Variants in EPRS1 observed in about 807,000 individuals in gnomAD.
EPRS1 encodes glutamyl-prolyl-tRNA synthetase 1.
EPRS1 carries 107 observed loss-of-function variants against 188.3 expected under a neutral mutation model. The observed-to-expected ratio is 0.57, with a 90% CI of 0.49 to 0.67. The LOEUF (loss-of-function observed/expected upper bound fraction) is 0.67. EPRS1 is among the 30% of genes least tolerant of loss of function. The probability of loss-of-function intolerance (pLI) is 0.00; values close to 1 mark genes in which losing one functional copy is unlikely to be tolerated. For synonymous variants in EPRS1, 596 were observed against 593.1 expected (o/e 1.00, Z -0.07); for missense variants, 1,577 against 1,802.2 (o/e 0.88, Z 2.26).
intron 9 of EPRS1, 46 bp from the exon 10 acceptor site, chr1:220,020,267 C>A: frequency 8.3e-7 from 1 of 1,210,152 alleles, no homozygotes; most frequent in East Asian, 2.4e-5. Context: ...TACCCTTTCC[C>A]TCTTAGATTA....
rs12090804 is a variant in EPRS1 at position 219,973,510 on chromosome 1, G to A, written c.4084-112C>T. On this transcript the variant is annotated intron_variant, in intron 28 of 31. Transcript: ENST00000366923. ...ATTATAAAAAACCCAAAAAACAAAG[G>A]CAAAGCCAAAAAAAACAAGAGAAAA... The A allele has an allele frequency of 2.0e-3, 1,077 of 526,630 alleles. 13 individuals carry two copies. In the African/African-American group the frequency reaches 0.024, roughly 12 times the overall value. 32.6% of individuals were successfully genotyped at this position (526,630 alleles called of 1,614,324 possible).
chr1:220,007,997 C>G (rs1041214224), intron 13 of EPRS1, among the ~76,000 whole-genome samples: 1 of 151,722 alleles, frequency 6.6e-6, no homozygotes, highest in African/African-American at 2.4e-5. Context: ...GTCCCAGCTA[C>G]TTGGGAGGCT....
In EPRS1 at chr1:220,014,860, C is replaced by T. The variant is rs1015176846; in HGVS notation, c.1494+3589G>A. Among the ~76,000 whole-genome samples the T allele has an allele frequency of 5.9e-5, 9 of 152,076 alleles. 1 individual carries two copies. The highest frequency in any genetic ancestry group is 9.7e-5 in the African/African-American group (4 of 41,410). On this transcript the variant is annotated intron_variant, in intron 12 of 31. Coordinates refer to ENST00000366923, the MANE Select transcript of EPRS1 (RefSeq NM_004446.3). ...CCAGACATCTGAGAAATATCTTTAA[C>T]GTGAAAGAAACCAAAATAAACAAAT...
intron 12 of EPRS1, among the ~76,000 whole-genome samples, chr1:220,013,476 C>T (rs1193688390): frequency 3.3e-5 from 5 of 151,598 alleles, no homozygotes; most frequent in African/African-American, 4.9e-5. Context: ...AAGAATCATG[C>T]AAATAAATCT....
intron 14 of EPRS1, 132 bp downstream of exon 14, chr1:220,007,070 G>T: frequency 1.6e-6 from 1 of 634,630 alleles, no homozygotes; most frequent in Non-Finnish European, 2.5e-6. Flanking sequence ...TCCAGAATTT[G>T]CAGTAGCTAT....
chr1:220,038,249 G>C (rs1002748427), intron 2 of EPRS1, among the ~76,000 whole-genome samples: 1 of 151,672 alleles, frequency 6.6e-6, no homozygotes, highest in African/African-American at 2.4e-5. Flanking sequence ...TGCCCGGCAA[G>C]TTTTGTATTT....
At chr1:219,989,795 A>G (rs1388051916) in intron 18 of EPRS1, among the ~76,000 whole-genome samples, 3 of 152,192 alleles carry the variant, frequency 2.0e-5, no homozygotes, top group African/African-American at 7.2e-5. Flanking sequence ...AGTAAAATTA[A>G]GAGAAAATGT....
At position 220,010,934 on chromosome 1, in the gene EPRS1, T is replaced by G; in HGVS notation, c.1605+12A>C. On this transcript the variant is annotated intron_variant, in intron 13 of 31. Transcript: ENST00000366923. ...ACAGAGAGAAACACATTGGTGAAACTGTAAGAGTGACCTTTGGGTGTTTGG... is the reference window on the plus strand; with the variant it reads ...ACAGAGAGAAACACATTGGTGAAACGGTAAGAGTGACCTTTGGGTGTTTGG... 6.7e-7 allele frequency: 1 copy of G among 1,500,000 alleles called. No homozygotes were observed. The highest frequency in any genetic ancestry group is 1.4e-5 in the African/African-American group (1 of 72,674). The allele number at this position is 1,500,000 out of a possible 1,614,324, so 92.9% of individuals were successfully genotyped here.
At chr1:219,983,956 C>T (rs1026560821) in intron 21 of EPRS1, among the ~76,000 whole-genome samples, 3 of 150,476 alleles carry the variant, frequency 2.0e-5, no homozygotes, top group African/African-American at 7.3e-5. Context: ...ATCTTTGTGG[C>T]TTTGAATTAA....
chr1:220,032,914 GTCAAAATTTA>G (rs1230925251), intron 4 of EPRS1, among the ~76,000 whole-genome samples: 1 of 151,924 alleles, frequency 6.6e-6, no homozygotes, highest in Non-Finnish European at 1.5e-5. Context: ...ACATATATAT[GTCAAAATTTA>G]TCAAAATATA....
chr1:220,026,868 G>T (rs1162298316), intron 6 of EPRS1, among the ~76,000 whole-genome samples: 2 of 151,546 alleles, frequency 1.3e-5, no homozygotes, highest in Non-Finnish European at 2.9e-5. Context: ...AGGGGGAAAA[G>T]TTTATGAAAT....
At chr1:219,996,033 T>G (rs911911807) in intron 18 of EPRS1, among the ~76,000 whole-genome samples, 9 of 152,206 alleles carry the variant, frequency 5.9e-5, no homozygotes, top group African/African-American at 1.9e-4. Flanking sequence ...TGTTTTTCGT[T>G]GCAGTACTAT....
chr1:219,990,073 A>G (rs1304694003), intron 18 of EPRS1, among the ~76,000 whole-genome samples: 1 of 151,856 alleles, frequency 6.6e-6, no homozygotes, highest in Non-Finnish European at 1.5e-5. Context: ...TTTACACTAT[A>G]AGCAGGTATT....
chr1:219,989,162 T>G (rs968188143), intron 18 of EPRS1, among the ~76,000 whole-genome samples: 1 of 151,882 alleles, frequency 6.6e-6, no homozygotes, highest in Non-Finnish European at 1.5e-5. Context: ...AGAACAAAGA[T>G]CAGATCAATG....
chr1:219,983,765 T>C (rs938070480), intron 21 of EPRS1, among the ~76,000 whole-genome samples: 4 of 151,884 alleles, frequency 2.6e-5, no homozygotes, highest in Non-Finnish European at 5.9e-5. Flanking sequence ...TGGTAGCGTG[T>C]GCCTGTAGTC....
intron 17 of EPRS1, among the ~76,000 whole-genome samples, chr1:219,998,601 G>GGT (rs1661281900): frequency 6.9e-6 from 1 of 144,540 alleles, no homozygotes; most frequent in African/African-American, 2.6e-5. Context: ...GGAGTCCAGT[G>GGT]GTGTGATCTC....
chr1:220,008,698 A>T (rs2102582068), intron 13 of EPRS1, among the ~76,000 whole-genome samples: 1 of 152,228 alleles, frequency 6.6e-6, no homozygotes, highest in South Asian at 2.1e-4. Context: ...TTAATTTTTT[A>T]AATTTTATTT....
At position 219,978,562 on chromosome 1, in the gene EPRS1, T is replaced by C. The variant is rs753065099; in HGVS notation, c.4067A>G (p.Asn1356Ser). The change falls in exon 28 of 32, where the codon AAT becomes AGT. Residue 1356 changes from asparagine to serine, a missense_variant. Transcript: ENST00000366923. ...RDNYSPGWKFNHWELKGVPIR... is the reference protein window; with the variant it reads ...RDNYSPGWKFSHWELKGVPIR... ...GGAATTTACCTTGAGCTCCCAGTGA[T>C]TGAATTTCCAACCTGGAGAATAATT... The C allele has an allele frequency of 5.4e-5, 85 of 1,576,628 alleles. No homozygotes were observed. Among genetic ancestry groups the C allele is most frequent in the Middle Eastern group, 3.4e-4 (2 of 5,948 alleles).
chr1:219,974,499 A>G (rs1660737526), intron 28 of EPRS1, among the ~76,000 whole-genome samples: 1 of 152,210 alleles, frequency 6.6e-6, no homozygotes, highest in Non-Finnish European at 1.5e-5. Flanking sequence ...GATTTTAAGT[A>G]ATTTTTTTGA....
Sources: gnomAD v4.1 joint callset for allele counts (sites outside exome capture counted in the v4.1 genomes callset) on GRCh38, gnomAD v4.1.1 for gene constraint, MANE v1.5 for transcripts, NCBI Gene and HGNC (gene_info 2026-07-23, HGNC 2026-07-21) for gene names.